SNPH: variants seen among roughly 807,000 people sequenced by gnomAD.
The protein encoded by SNPH is syntaphilin.
SNPH carries 10 observed loss-of-function variants against 36.8 expected under a neutral mutation model. The ratio of observed to expected loss-of-function variants is 0.27; its 90% CI spans 0.17 to 0.46. The LOEUF is 0.46. Among genes scored for constraint, SNPH ranks in the 20% least tolerant of loss-of-function variants. The pLI is 1.00. For missense variants in SNPH, 622 were observed against 744.0 expected, an observed-to-expected ratio of 0.84 and a Z score of 1.91; for synonymous variants, 281 against 312.2, an observed-to-expected ratio of 0.90 and a Z score of 1.05.
chr20:1,290,597 A>G (rs181672866), intron 2 of SNPH, among the ~76,000 whole-genome samples: 28 of 152,330 alleles, frequency 1.8e-4, no homozygotes, highest in Admixed American at 1.2e-3. Context: ...CTATTGGTGG[A>G]CATTTGGGTT....
chr20:1,282,934 G>GACT (rs2088243229), intron 2 of SNPH, among the ~76,000 whole-genome samples: 2 of 152,158 alleles, frequency 1.3e-5, no homozygotes, highest in Non-Finnish European at 2.9e-5. Flanking sequence ...GGGCCCCTAG[G>GACT]ATGCCTGCTC....
In SNPH at chr20:1,297,350, CCT is replaced by C. The variant is rs958279738; in HGVS notation, c.290+99_290+100del. ...GGAGCAGGGTCGTGTTCTAACCACC[CCT>C]GACGCCAGCATAGCCGCTGGCCGTG... On this transcript the variant is annotated intron_variant, in intron 5 of 6. Coordinates refer to ENST00000381867, the MANE Select transcript of SNPH (RefSeq NM_001318234.2). 4.4e-5 allele frequency: 49 copies of C among 1,118,408 alleles called. No individual in the cohort carries two copies. The African/African-American group carries it at 7.0e-4, about 16-fold the overall frequency. The allele number at this position is 1,118,408 out of a possible 1,614,324, so 69.3% of individuals were successfully genotyped here. A position where few individuals can be genotyped will look rare whatever the true frequency, so the allele number is the denominator to read the frequency against.
chr20:1,275,865 A>G (rs1360754785), intron 2 of SNPH, among the ~76,000 whole-genome samples: 1 of 152,116 alleles, frequency 6.6e-6, no homozygotes, highest in Admixed American at 6.5e-5. Context: ...CCTCCCTGCC[A>G]TTCCTTTCTA....
At chr20:1,278,182 G>A (rs764921800) in intron 2 of SNPH, among the ~76,000 whole-genome samples, 1 of 150,682 alleles carries the variant, frequency 6.6e-6, no homozygotes, top group African/African-American at 2.4e-5. Flanking sequence ...CTGTGTGTGT[G>A]TATCTGTGTC....
chr20:1,277,108 G>A (rs1486049193), intron 2 of SNPH, among the ~76,000 whole-genome samples: 1 of 152,182 alleles, frequency 6.6e-6, no homozygotes, highest in Non-Finnish European at 1.5e-5. Flanking sequence ...GGGATATTAG[G>A]GGCATGTGGC....
At chr20:1,293,684 A>G (rs778391738) in intron 2 of SNPH, among the ~76,000 whole-genome samples, 1 of 152,176 alleles carries the variant, frequency 6.6e-6, no homozygotes, top group Non-Finnish European at 1.5e-5. Flanking sequence ...AGCAGGGGAA[A>G]TGCGTCTTCC....
Position 1,276,464 on chromosome 20 carries a change from C to G in SNPH, c.-493+9704C>G, listed in dbSNP as rs999579730. On this transcript the variant is annotated intron_variant, in intron 2 of 6. Coordinates refer to ENST00000381867, the MANE Select transcript of SNPH (RefSeq NM_001318234.2). The surrounding 1 kb of genome is among the most constrained non-coding windows in gnomAD (Gnocchi z 4.6). The stretch of plus-strand genomic sequence containing the variant: ...TGTCTCCGTCTCTGCCGTGGACTGA[C>G]TTTGTGACTGGGCAAGTCACTTAAT... 2.0e-5 allele frequency among the ~76,000 whole-genome samples: 3 copies of G among 152,164 alleles called. No individual in the cohort carries two copies. The highest frequency in any genetic ancestry group is 7.2e-5 in the African/African-American group (3 of 41,446).
chr20:1,289,002 AGCCCAAAAT>A (rs2088318484), intron 2 of SNPH, among the ~76,000 whole-genome samples: 1 of 152,214 alleles, frequency 6.6e-6, no homozygotes, highest in Admixed American at 6.5e-5. Context: ...AAGTATGACC[AGCCCAAAAT>A]GCAGGTATAT....
At chr20:1,275,751 G>A (rs565784206) in intron 2 of SNPH, among the ~76,000 whole-genome samples, 1 of 152,290 alleles carries the variant, frequency 6.6e-6, no homozygotes, top group Admixed American at 6.5e-5. Flanking sequence ...CCTGATAGGA[G>A]TGAGGTGGTC....
In SNPH at chr20:1,270,563, T is replaced by A. The variant is rs572795101; in HGVS notation, c.-493+3803T>A. On this transcript the variant is annotated intron_variant, in intron 2 of 6. Transcript: ENST00000381867. Reference sequence around the variant, plus strand: ...TTGTTGGCTCCTGTCCTCATCAATCTAGAAGGTGGACATGGAGTCTAGGGG... The same window carrying A: ...TTGTTGGCTCCTGTCCTCATCAATCAAGAAGGTGGACATGGAGTCTAGGGG... Among the ~76,000 whole-genome samples the A allele has an allele frequency of 5.3e-5, 8 of 152,346 alleles. No individual in the cohort carries two copies. The East Asian group carries it at 1.5e-3, about 29-fold the overall frequency.
At chr20:1,283,516 C>T (rs965466318) in intron 2 of SNPH, among the ~76,000 whole-genome samples, 12 of 152,226 alleles carry the variant, frequency 7.9e-5, no homozygotes, top group Admixed American at 6.5e-4. Flanking sequence ...CACTGCCATG[C>T]AGGAATGCAG....
At chr20:1,291,414 G>A (rs1046329621) in intron 2 of SNPH, among the ~76,000 whole-genome samples, 1 of 152,192 alleles carries the variant, frequency 6.6e-6, no homozygotes, top group African/African-American at 2.4e-5. Flanking sequence ...GGCACATAGT[G>A]GCTGATGAGG....
chr20:1,303,676 C>T (rs1373558720), intron 6 of SNPH, among the ~76,000 whole-genome samples: 5 of 152,170 alleles, frequency 3.3e-5, no homozygotes, highest in Non-Finnish European at 5.9e-5. Context: ...GCCCCCAGTC[C>T]CTCCAGCGTA....
rs778476285 is a variant in SNPH, at chr20:1,300,558, G to C, written c.291-4G>C. On this transcript the variant is annotated splice_polypyrimidine_tract_variant and splice_region_variant and intron_variant, in intron 5 of 6. Coordinates refer to ENST00000381867, the MANE Select transcript of SNPH (RefSeq NM_001318234.2). ...CCTCCCTGATGATGGGCGTCCCCTT[G>C]CAGGCGCTCCATGAAATACACGCTG... 1.9e-6 allele frequency: 3 copies of C among 1,613,904 alleles called. No homozygotes were observed. The highest frequency in any genetic ancestry group is 4.5e-5 in the East Asian group (2 of 44,876).
At chr20:1,267,529 G>T (rs1267590895) in intron 2 of SNPH, among the ~76,000 whole-genome samples, 1 of 152,140 alleles carries the variant, frequency 6.6e-6, no homozygotes, top group Non-Finnish European at 1.5e-5. Context: ...CAGAGATTGG[G>T]GTTCTAGGCC....
intron 6 of SNPH, among the ~76,000 whole-genome samples, chr20:1,300,974 G>T (rs185779018): frequency 4.1e-4 from 62 of 152,356 alleles, no homozygotes; most frequent in Admixed American, 7.8e-4. Flanking sequence ...GGGGCCTCCT[G>T]CCTGTGCTGT....
In SNPH at chr20:1,305,034, C is replaced by G; in HGVS notation, c.597C>G (p.Asn199Lys). 1 of 1,614,090 alleles carries G rather than the reference C, an allele frequency of 6.2e-7. No homozygotes were observed. ...AGGTCATCGACACTGTCAAGAACAA[C>G]CTGATTGACAAGGACAAGGGGCTGC... is the stretch of plus-strand genomic sequence containing the variant. ...LKQVIDTVKN[N>K]LIDKDKGLQK... The change falls in exon 7 of 7, where the codon AAC becomes AAG. Residue 199 changes from asparagine (N) to lysine (K), a missense_variant. By Grantham distance (94) the Asn-to-Lys change is moderately conservative. Transcript: ENST00000381867.
At chr20:1,296,804 T>C (rs913986620) in intron 4 of SNPH, among the ~76,000 whole-genome samples, 15 of 152,178 alleles carry the variant, frequency 9.9e-5, no homozygotes, top group Non-Finnish European at 5.9e-5. Flanking sequence ...TCCACCTCTG[T>C]CTCAGTCTAT....
chr20:1,280,476 T>C (rs902580289), intron 2 of SNPH, among the ~76,000 whole-genome samples: 5 of 152,150 alleles, frequency 3.3e-5, no homozygotes, highest in African/African-American at 1.2e-4. Flanking sequence ...CAAGATGAAT[T>C]GCAAAGGAGG....
Sources: gnomAD v4.1 joint callset for allele counts (sites outside exome capture counted in the v4.1 genomes callset) on GRCh38, gnomAD v4.1.1 for gene constraint, Gnocchi (gnomAD v3.1) non-coding constraint, MANE v1.5 for transcripts, NCBI Gene and HGNC (gene_info 2026-07-23, HGNC 2026-07-21) for gene names.